GPHN: variants seen among roughly 807,000 people sequenced by gnomAD.
GPHN encodes the protein gephyrin.
In GPHN, 17 loss-of-function variants were observed where a neutral mutation model predicts 95.5. The observed-to-expected ratio is 0.18, with a 90% confidence interval of 0.12 to 0.27. The LOEUF is 0.27. Ranked by LOEUF, GPHN falls within the 10% of genes least tolerant of loss-of-function variation. GPHN has a pLI of 1.00. For missense variants in GPHN, 660 were observed against 978.1 expected (o/e 0.67, Z 4.34); for synonymous variants, 320 against 322.5 (o/e 0.99, Z 0.08).
At chr14:66,813,053 A>G (rs1178234256) in intron 3 of GPHN, among the ~76,000 whole-genome samples, 1 of 152,222 alleles carries the variant, frequency 6.6e-6, no homozygotes, top group African/African-American at 2.4e-5. Flanking sequence ...CCTCACTGAC[A>G]GTCTGATTCC....
At chr14:67,149,367 T>C (rs1317555283) in intron 18 of GPHN, among the ~76,000 whole-genome samples, 2 of 152,164 alleles carry the variant, frequency 1.3e-5, no homozygotes, top group African/African-American at 2.4e-5. Flanking sequence ...AAGAAGTTAC[T>C]TATGTTAACA....
the GPHN span, among the ~76,000 whole-genome samples, chr14:67,412,363 G>A: frequency 2.0e-5 from 3 of 152,330 alleles, no homozygotes; most frequent in East Asian, 5.8e-4. Context: ...CACTGTTCCA[G>A]TCTCTCTGCT....
At chr14:67,457,833 A>G in the GPHN span, among the ~76,000 whole-genome samples, 6 of 152,216 alleles carry the variant, frequency 3.9e-5, no homozygotes, top group Non-Finnish European at 5.9e-5. Flanking sequence ...CTCCCCTGCT[A>G]TAGGCTGTTG....
intron 4 of GPHN, among the ~76,000 whole-genome samples, chr14:66,838,318 C>T (rs1426266578): frequency 6.6e-6 from 1 of 151,910 alleles, no homozygotes; most frequent in East Asian, 1.9e-4. Flanking sequence ...TTAGAAAGAG[C>T]TTTAGCTTTA....
intron 10 of GPHN, among the ~76,000 whole-genome samples, chr14:67,034,149 G>A (rs908607071): frequency 1.3e-5 from 2 of 151,986 alleles, no homozygotes; most frequent in African/African-American, 4.8e-5. Context: ...CACTGGTAAA[G>A]GAAAATATAT....
chr14:66,930,872 A>G (rs1435939366), intron 8 of GPHN, among the ~76,000 whole-genome samples: 1 of 152,204 alleles, frequency 6.6e-6, no homozygotes, highest in African/African-American at 2.4e-5. Flanking sequence ...AAGATATGAG[A>G]TGAGTAATTT....
chr14:66,597,003 A>G (rs967033320), intron 1 of GPHN, among the ~76,000 whole-genome samples: 5 of 152,188 alleles, frequency 3.3e-5, no homozygotes, highest in African/African-American at 9.7e-5. Flanking sequence ...ATCTGCTGCC[A>G]TTAGGATAGG....
At chr14:67,405,125 C>T in the GPHN span, among the ~76,000 whole-genome samples, 1 of 147,236 alleles carries the variant, frequency 6.8e-6, no homozygotes, top group Non-Finnish European at 1.5e-5. Context: ...CCCAGCTACT[C>T]AGGAGGCTGA....
chr14:67,473,908 G>C, the GPHN span: 1 of 1,605,098 alleles, frequency 6.2e-7, no homozygotes, highest in Non-Finnish European at 8.5e-7. The surrounding 1 kb of genome is among the most constrained non-coding windows in gnomAD (Gnocchi z 6.5). Context: ...GCCGTCAGGG[G>C]CTCGGCAGAC....
the GPHN span, among the ~76,000 whole-genome samples, chr14:67,225,974 CGTGCGCATGCGCGT>C: frequency 2.6e-5 from 3 of 116,980 alleles, no homozygotes; most frequent in African/African-American, 8.8e-5. Flanking sequence ...CGCGCGCGCG[CGTGCGCATGCGCGT>C]GCATGCTCAT....
chr14:67,313,990 T>C, the GPHN span, among the ~76,000 whole-genome samples: 1 of 149,972 alleles, frequency 6.7e-6, no homozygotes, highest in African/African-American at 2.5e-5. Flanking sequence ...AAAAAAAAAA[T>C]AGTTCTGCCA....
chr14:66,553,640 G>A (rs1383702494), intron 1 of GPHN, among the ~76,000 whole-genome samples: 1 of 151,838 alleles, frequency 6.6e-6, no homozygotes, highest in East Asian at 1.9e-4. Context: ...GCAGTGGTGC[G>A]ATCTCTGTTC....
At chr14:66,653,779 A>T (rs184918821) in intron 1 of GPHN, among the ~76,000 whole-genome samples, 37 of 152,322 alleles carry the variant, frequency 2.4e-4, no homozygotes, top group African/African-American at 8.4e-4. Context: ...ATTGTATGAC[A>T]GAGAAGTATT....
intron 8 of GPHN, among the ~76,000 whole-genome samples, chr14:66,926,806 T>G (rs1037606510): frequency 6.6e-6 from 1 of 152,182 alleles, no homozygotes; most frequent in African/African-American, 2.4e-5. Context: ...TGATAGGGAT[T>G]GCATTGAGTC....
At chr14:66,868,614 A>G (rs1291294861) in intron 4 of GPHN, among the ~76,000 whole-genome samples, 4 of 151,974 alleles carry the variant, frequency 2.6e-5, no homozygotes, top group Non-Finnish European at 5.9e-5. Context: ...GGCTGGTCTC[A>G]AACTCCTGAC....
the GPHN span, among the ~76,000 whole-genome samples, chr14:67,665,705 C>G: frequency 6.6e-6 from 1 of 152,112 alleles, no homozygotes; most frequent in African/African-American, 2.4e-5. Flanking sequence ...AACTATAAAC[C>G]TCCTTAGATG....
intron 2 of GPHN, among the ~76,000 whole-genome samples, chr14:66,734,859 G>T (rs1211416736): frequency 6.6e-6 from 1 of 152,114 alleles, no homozygotes; most frequent in Non-Finnish European, 1.5e-5. Flanking sequence ...ATAAAGTAAA[G>T]GATAAGGACT....
At chr14:66,665,661 A>G (rs1025804702) in intron 1 of GPHN, among the ~76,000 whole-genome samples, 7 of 152,336 alleles carry the variant, frequency 4.6e-5, no homozygotes, top group Non-Finnish European at 1.0e-4. Context: ...GGGACTGTAG[A>G]CTAGTTCAAC....
chr14:67,444,122 G>A, the GPHN span, among the ~76,000 whole-genome samples: 3 of 152,002 alleles, frequency 2.0e-5, no homozygotes, highest in African/African-American at 7.3e-5. Flanking sequence ...CCAGCTTTCC[G>A]GACTGAAATA....
Sources: gnomAD v4.1 joint callset for allele counts (sites outside exome capture counted in the v4.1 genomes callset) on GRCh38, gnomAD v4.1.1 for gene constraint, Gnocchi (gnomAD v3.1) non-coding constraint, MANE v1.5 for transcripts, NCBI Gene and HGNC (gene_info 2026-07-23, HGNC 2026-07-21) for gene names.